PLSCR2: variants seen among roughly 807,000 people sequenced by gnomAD.
PLSCR2 encodes PL scramblase 2.
Under a neutral mutation model 25.3 loss-of-function variants are expected in PLSCR2, and 18 were observed. That is an observed-to-expected ratio of 0.71 (90% CI 0.49 to 1.06). The LOEUF (loss-of-function observed/expected upper bound fraction) is 1.06, where lower values mean the gene tolerates loss of function less well. PLSCR2 is among the 50% of genes least tolerant of loss of function. The pLI is 0.00. For missense variants in PLSCR2, 243 were observed against 269.5 expected (o/e 0.90, Z 0.69); for synonymous variants, 88 against 87.3 (o/e 1.01, Z -0.04).
At chr3:146,494,943 C>T (rs186062116) in intron 1 of PLSCR2, 1 of 152,192 alleles carries the variant, frequency 6.6e-6, no homozygotes, top group East Asian at 1.9e-4. Flanking sequence ...ACTCTGATCC[C>T]AGTTTTATGG....
chr3:146,403,120 TA>T (rs1221114659), intron 2 of PLSCR2, among the ~76,000 whole-genome samples: 1 of 143,646 alleles, frequency 7.0e-6, no homozygotes, highest in Admixed American at 7.3e-5. Flanking sequence ...ACAAAGCAAA[TA>T]AAAAAATCTT....
intron 2 of PLSCR2, chr3:146,415,241 A>T (rs2038972133): frequency 6.6e-6 from 1 of 152,634 alleles, no homozygotes; most frequent in Admixed American, 6.5e-5. Flanking sequence ...ACATAACTTA[A>T]TATTTACATT....
chr3:146,477,373 C>T (rs772222013), intron 1 of PLSCR2, among the ~76,000 whole-genome samples: 13 of 152,154 alleles, frequency 8.5e-5, no homozygotes, highest in East Asian at 1.9e-4. Context: ...AAAGGGACAC[C>T]GTGGCCCAAA....
chr3:146,412,622 A>G (rs1419890698), intron 2 of PLSCR2, among the ~76,000 whole-genome samples: 1 of 152,118 alleles, frequency 6.6e-6, no homozygotes, highest in Admixed American at 6.5e-5. Context: ...ACATAAATTT[A>G]ATTTTCTCAG....
At chr3:146,399,571 G>GT (rs1278728978) in intron 2 of PLSCR2, among the ~76,000 whole-genome samples, 1 of 151,734 alleles carries the variant, frequency 6.6e-6, no homozygotes, top group Non-Finnish European at 1.5e-5. Flanking sequence ...AAAAAGGAAT[G>GT]TAGGAGGCTT....
intron 2 of PLSCR2, among the ~76,000 whole-genome samples, chr3:146,397,834 T>C (rs2038324967): frequency 6.6e-6 from 1 of 152,080 alleles, no homozygotes; most frequent in African/African-American, 2.4e-5. Flanking sequence ...TGTAGTCATA[T>C]TATTACTTTC....
intron 2 of PLSCR2, among the ~76,000 whole-genome samples, chr3:146,410,553 G>T (rs10935627): frequency 0.017 from 2,573 of 152,244 alleles, 87 homozygotes; most frequent in African/African-American, 0.057. Flanking sequence ...ACAGGACTGT[G>T]GTGACCAGCC....
intron 1 of PLSCR2, chr3:146,495,791 T>C (rs1314676640): frequency 4.8e-6 from 4 of 839,374 alleles, no homozygotes. Context: ...CATTAGGTAG[T>C]TCGTGAATAG....
chr3:146,463,849 T>C, upstream of PLSCR2: 1 of 978,928 alleles, frequency 1.0e-6, no homozygotes, highest in Non-Finnish European at 1.2e-6. Context: ...CATTTCAAAA[T>C]TATTTTTTAT....
At chr3:146,446,306 C>A (rs1233483337) in intron 6 of PLSCR2, among the ~76,000 whole-genome samples, 1 of 152,072 alleles carries the variant, frequency 6.6e-6, no homozygotes, top group Non-Finnish European at 1.5e-5. Context: ...GAAGGCTTTC[C>A]AGGTATTCAA....
intron 2 of PLSCR2, among the ~76,000 whole-genome samples, chr3:146,399,780 TTCC>T (rs34851377): frequency 0.52 from 77,527 of 149,696 alleles, 20,372 homozygotes; most frequent in South Asian, 0.7. Flanking sequence ...TGCTTTCTTC[TTCC>T]TCCTTCTTTC....
At chr3:146,466,219 C>T (rs896687021) in intron 1 of PLSCR2, among the ~76,000 whole-genome samples, 1 of 141,818 alleles carries the variant, frequency 7.1e-6, no homozygotes, top group African/African-American at 2.6e-5. Flanking sequence ...GTTGCCCAGG[C>T]TGGAGGCCAG....
At chr3:146,426,901 A>G (rs1405422472) in intron 2 of PLSCR2, among the ~76,000 whole-genome samples, 1 of 152,194 alleles carries the variant, frequency 6.6e-6, no homozygotes, top group African/African-American at 2.4e-5. Context: ...TCTTTATGGA[A>G]GAAAGACAAG....
At chr3:146,426,670 G>A (rs576134803) in intron 2 of PLSCR2, among the ~76,000 whole-genome samples, 70 of 151,946 alleles carry the variant, frequency 4.6e-4, no homozygotes, top group African/African-American at 1.3e-3. Flanking sequence ...TTAATATTAC[G>A]GAAAGCAGAT....
At chr3:146,393,027 C>T (rs1461694319) in intron 3 of PLSCR2, among the ~76,000 whole-genome samples, 22 of 104,374 alleles carry the variant, frequency 2.1e-4, no homozygotes, top group Admixed American at 3.6e-4. Flanking sequence ...ATTTACATTC[C>T]TTTTTTTTTT....
At chr3:146,469,649 G>T in intron 1 of PLSCR2, 88 bp from the exon 1 acceptor site, 2 of 783,906 alleles carry the variant, frequency 2.6e-6, no homozygotes, top group Non-Finnish European at 3.1e-6. Context: ...GTCTACACCT[G>T]CAGCAGCCCC....
At chr3:146,458,131 G>A (rs568047547) in intron 3 of PLSCR2, among the ~76,000 whole-genome samples, 2 of 152,206 alleles carry the variant, frequency 1.3e-5, no homozygotes, top group African/African-American at 2.4e-5. Context: ...GCAAATGCTC[G>A]GTACAGGTAC....
Position 146,459,834 on chromosome 3 carries a change from G to A in PLSCR2, c.57+14C>T, listed in dbSNP as rs372006588. 14 of 1,514,846 alleles carry A rather than the reference G, an allele frequency of 9.2e-6. No individual in the cohort carries two copies. Among genetic ancestry groups the A allele is most frequent in the Middle Eastern group, 1.7e-4 (1 of 5,776 alleles). The allele number at this position is 1,514,846 out of a possible 1,614,324, so 93.8% of individuals were successfully genotyped here. On this transcript the variant is annotated intron_variant, in intron 2 of 6. Transcript: ENST00000610787. ...TTTTTTTTTTTTCTGAGTATTTTAC[G>A]TATTTGAAATTACCTGACTTAAGTA...
At chr3:146,407,583 G>A (rs1268436243) in intron 2 of PLSCR2, among the ~76,000 whole-genome samples, 2 of 152,078 alleles carry the variant, frequency 1.3e-5, no homozygotes, top group Non-Finnish European at 2.9e-5. Flanking sequence ...TGAAAATGGG[G>A]GATTCTTCTT....
Sources: gnomAD v4.1 joint callset for allele counts (sites outside exome capture counted in the v4.1 genomes callset) on GRCh38, gnomAD v4.1.1 for gene constraint, MANE v1.5 for transcripts, NCBI Gene and HGNC (gene_info 2026-07-23, HGNC 2026-07-21) for gene names.